Variants in KIF6 observed in about 807,000 individuals in gnomAD.
KIF6 encodes kinesin family member 6.
KIF6 carries 106 observed loss-of-function variants against 112.7 expected under a neutral mutation model. That is an observed-to-expected ratio of 0.94 (90% CI 0.80 to 1.11). The LOEUF (loss-of-function observed/expected upper bound fraction) is 1.11. Ranked by LOEUF, KIF6 falls within the 50% of genes least tolerant of loss-of-function variation. KIF6 has a pLI of 0.00. For missense variants in KIF6, 929 were observed against 964.0 expected (o/e 0.96, Z 0.48); for synonymous variants, 339 against 339.9 (o/e 1.00, Z 0.03).
intron 13 of KIF6, among the ~76,000 whole-genome samples, chr6:39,494,866 A>C (rs553490874): frequency 2.3e-4 from 35 of 152,262 alleles, no homozygotes; most frequent in Admixed American, 2.3e-3. Context: ...ATCCACAGGT[A>C]CTTTTTAAAC....
Position 39,495,115 on chromosome 6 carries a change from C to T in KIF6, c.1645+44888G>A, listed in dbSNP as rs184057738. ...TCCTGCAGATGAGATAGTTGCATTC[C>T]CAAAGAGCCACAAAATGGGACAAAT... On this transcript the variant is annotated intron_variant, in intron 13 of 22. Coordinates refer to ENST00000287152, the MANE Select transcript of KIF6 (RefSeq NM_145027.6). Among the ~76,000 whole-genome samples, 614 of 152,276 alleles carry T rather than the reference C, an allele frequency of 4.0e-3. 1 individual carries two copies. The highest frequency in any genetic ancestry group is 0.014 in the African/African-American group (576 of 41,564).
chr6:39,617,328 G>A (rs965756605), intron 5 of KIF6, among the ~76,000 whole-genome samples: 4 of 152,124 alleles, frequency 2.6e-5, no homozygotes, highest in Non-Finnish European at 4.4e-5. Context: ...CATATAAAGA[G>A]CAATAGGCAG....
chr6:39,438,193 C>T lies in KIF6; in HGVS notation c.1646-7032G>A, dbSNP rs192653257. Among the ~76,000 whole-genome samples, 759 of 152,192 alleles carry T rather than the reference C, an allele frequency of 5.0e-3. 7 individuals carry two copies. The highest frequency in any genetic ancestry group is 0.017 in the African/African-American group (690 of 41,518). Reference sequence around the variant, plus strand: ...TTCACCATGTTGACCAGGCTGGTCTCGAACTCCTGACCTCAGGTGATCCAC... The same window carrying T: ...TTCACCATGTTGACCAGGCTGGTCTTGAACTCCTGACCTCAGGTGATCCAC... On this transcript the variant is annotated intron_variant, in intron 13 of 22. Transcript: ENST00000287152.
chr6:39,461,801 C>T (rs777867915), intron 13 of KIF6, among the ~76,000 whole-genome samples: 2 of 152,110 alleles, frequency 1.3e-5, no homozygotes, highest in Non-Finnish European at 2.9e-5. Flanking sequence ...ATATTTGTAT[C>T]TGTATTGACA....
chr6:39,483,479 T>C (rs1434498836), intron 13 of KIF6, among the ~76,000 whole-genome samples: 1 of 152,190 alleles, frequency 6.6e-6, no homozygotes, highest in Non-Finnish European at 1.5e-5. Context: ...CACATCATAT[T>C]ATGAGTCCTC....
At chr6:39,397,605 C>G (rs564520400) in intron 15 of KIF6, among the ~76,000 whole-genome samples, 50 of 152,216 alleles carry the variant, frequency 3.3e-4, no homozygotes, top group Non-Finnish European at 6.0e-4. Flanking sequence ...GATCTCAGTC[C>G]TGGTGGATAT....
intron 16 of KIF6, among the ~76,000 whole-genome samples, chr6:39,384,255 C>T (rs1240790184): frequency 6.6e-6 from 1 of 152,206 alleles, no homozygotes; most frequent in Non-Finnish European, 1.5e-5. Context: ...TTGGGGACAA[C>T]TCCATATCCA....
intron 6 of KIF6, among the ~76,000 whole-genome samples, chr6:39,601,141 T>C (rs895844103): frequency 2.0e-5 from 3 of 152,252 alleles, no homozygotes; most frequent in Non-Finnish European, 4.4e-5. Context: ...GTCATTAAAA[T>C]GTCTTACCAG....
intron 16 of KIF6, among the ~76,000 whole-genome samples, chr6:39,372,980 T>C (rs146689027): frequency 6.4e-4 from 97 of 152,334 alleles, no homozygotes; most frequent in Middle Eastern, 3.4e-3. Flanking sequence ...GCAACAGAAC[T>C]GTTCCTAGGA....
At chr6:39,444,951 C>A (rs1392430064) in intron 13 of KIF6, among the ~76,000 whole-genome samples, 2 of 152,150 alleles carry the variant, frequency 1.3e-5, no homozygotes, top group Admixed American at 1.3e-4. Context: ...AGGCACCAGA[C>A]ACCTGACACC....
At chr6:39,356,615 A>G (rs770867080) in intron 19 of KIF6, among the ~76,000 whole-genome samples, 1 of 152,202 alleles carries the variant, frequency 6.6e-6, no homozygotes, top group Non-Finnish European at 1.5e-5. Context: ...GTGAGGGCTC[A>G]GCACCCCTTC....
At chr6:39,527,834 T>C (rs967689371) in intron 13 of KIF6, among the ~76,000 whole-genome samples, 7 of 152,184 alleles carry the variant, frequency 4.6e-5, no homozygotes, top group African/African-American at 1.7e-4. Context: ...TAACTTGTAT[T>C]TTTAGTTGTA....
At chr6:39,575,002 G>C (rs915397307) in intron 10 of KIF6, among the ~76,000 whole-genome samples, 4 of 152,038 alleles carry the variant, frequency 2.6e-5, no homozygotes, top group African/African-American at 9.7e-5. Context: ...CTTCATAAAA[G>C]TCAACTACTG....
intron 21 of KIF6, 101 bp downstream of exon 21, chr6:39,345,599 G>A: frequency 1.1e-6 from 1 of 894,238 alleles, no homozygotes; most frequent in Non-Finnish European, 1.7e-6. Flanking sequence ...TGTCTGTGTG[G>A]CTACTGGACG....
At position 39,369,425 on chromosome 6, in the gene KIF6, G is replaced by A. The variant is rs111253240; in HGVS notation, c.1862-6907C>T. On this transcript the variant is annotated intron_variant, in intron 16 of 22. Coordinates refer to ENST00000287152, the MANE Select transcript of KIF6 (RefSeq NM_145027.6). ...TGCCACTGCCTTCCCCTCAGGAAGA[G>A]CAGGGCACTCTGTGAGAAGATAAAT... Among the ~76,000 whole-genome samples, 1,276 of 152,314 alleles carry A rather than the reference G, an allele frequency of 8.4e-3. 11 individuals carry two copies. The highest frequency in any genetic ancestry group is 0.015 in the Non-Finnish European group (997 of 68,036).
At chr6:39,465,163 T>C (rs1773714192) in intron 13 of KIF6, among the ~76,000 whole-genome samples, 1 of 152,178 alleles carries the variant, frequency 6.6e-6, no homozygotes, top group African/African-American at 2.4e-5. Flanking sequence ...TCATACCCCA[T>C]GTCTGCACAT....
At chr6:39,522,874 G>T (rs1274326469) in intron 13 of KIF6, among the ~76,000 whole-genome samples, 2 of 151,944 alleles carry the variant, frequency 1.3e-5, no homozygotes, top group African/African-American at 2.4e-5. Flanking sequence ...TCTTTTCCTG[G>T]CTACCCTTCT....
At chr6:39,359,254 G>A (rs1432774278) in intron 18 of KIF6, among the ~76,000 whole-genome samples, 2 of 152,166 alleles carry the variant, frequency 1.3e-5, no homozygotes, top group South Asian at 2.1e-4. Context: ...TAGCACTTCC[G>A]CTGTGCCACA....
intron 10 of KIF6, among the ~76,000 whole-genome samples, chr6:39,564,349 G>A (rs918593648): frequency 2.0e-5 from 3 of 152,204 alleles, no homozygotes; most frequent in Non-Finnish European, 2.9e-5. Context: ...GGGAAATTGG[G>A]TTTGAAGGAT....
Sources: gnomAD v4.1 joint callset for allele counts (sites outside exome capture counted in the v4.1 genomes callset) on GRCh38, gnomAD v4.1.1 for gene constraint, MANE v1.5 for transcripts, NCBI Gene and HGNC (gene_info 2026-07-23, HGNC 2026-07-21) for gene names.